PAFAH2: variants seen among roughly 807,000 people sequenced by gnomAD.
The protein encoded by PAFAH2 is platelet activating factor acetylhydrolase 2, also known as platelet-activating factor acetylhydrolase 2, cytoplasmic.
PAFAH2 carries 42 observed loss-of-function variants against 49.0 expected under a neutral mutation model. That is an observed-to-expected ratio of 0.86 (90% CI 0.67 to 1.11). PAFAH2 has a LOEUF of 1.11. Ranked by LOEUF, PAFAH2 falls within the 50% of genes least tolerant of loss-of-function variation. The probability of loss-of-function intolerance (pLI) is 0.00; values close to 1 mark genes in which losing one functional copy is unlikely to be tolerated. For synonymous variants in PAFAH2, 184 were observed against 181.3 expected, an observed-to-expected ratio of 1.01 and a Z score of -0.12; for missense variants, 503 against 501.8, an observed-to-expected ratio of 1.00 and a Z score of -0.02.
rs771047096 is a variant in PAFAH2, at chr1:25,989,464, C to T, written c.228G>A (p.Leu76=). Reference sequence around the variant, plus strand: ...AGCCCTTACCCACCGCCAGGTTGAACAGCAAGCCCCCGCAGCGCTTATTAA... The same window carrying T: ...AGCCCTTACCCACCGCCAGGTTGAATAGCAAGCCCCCGCAGCGCTTATTAA... ...LQFNKRCGGL[L]FNLAVGSCRL... The change falls in exon 3 of 11, where the codon CTG becomes CTA. Residue 76 remains leucine, a synonymous_variant. Coordinates refer to ENST00000374282, the MANE Select transcript of PAFAH2 (RefSeq NM_000437.4). 1.5e-5 allele frequency: 24 copies of T among 1,599,594 alleles called. No homozygotes were observed. Among genetic ancestry groups the T allele is most frequent in the Non-Finnish European group, 2.0e-5 (23 of 1,172,886 alleles).
Position 25,976,623 on chromosome 1 carries a change from T to A in PAFAH2, c.758+59A>T, listed in dbSNP as rs981203947. Reference sequence around the variant, plus strand: ...AATATAGTACTTGTGTAACAAATACTTTCTAAATGAATAAACGGTGTATGG... The same window carrying A: ...AATATAGTACTTGTGTAACAAATACATTCTAAATGAATAAACGGTGTATGG... On this transcript the variant is annotated intron_variant, in intron 8 of 10. Coordinates refer to ENST00000374282, the MANE Select transcript of PAFAH2 (RefSeq NM_000437.4). 23 of 1,256,728 alleles carry A rather than the reference T, an allele frequency of 1.8e-5. No individual in the cohort carries two copies. In the East Asian group the frequency reaches 5.3e-4, roughly 29 times the overall value. The allele number at this position is 1,256,728 out of a possible 1,614,324, so 77.8% of individuals were successfully genotyped here. A position where few individuals can be genotyped will look rare whatever the true frequency, so the allele number is the denominator to read the frequency against.
intron 6 of PAFAH2, 48 bp downstream of exon 6, chr1:25,983,898 G>A (rs2049735001): frequency 1.3e-6 from 2 of 1,598,858 alleles, no homozygotes; most frequent in East Asian, 2.2e-5. Context: ...ATATAGTAGG[G>A]AGAGAACAGG....
intron 10 of PAFAH2, among the ~76,000 whole-genome samples, chr1:25,967,214 T>A (rs2049440240): frequency 6.6e-6 from 1 of 151,946 alleles, no homozygotes; most frequent in Non-Finnish European, 1.5e-5. Flanking sequence ...TAGGATTGTT[T>A]GAGGGACTGG....
At chr1:25,989,722 G>A in intron 2 of PAFAH2, 121 bp from the exon 3 acceptor site, 1 of 673,648 alleles carries the variant, frequency 1.5e-6, no homozygotes, top group Non-Finnish European at 2.2e-6. Context: ...GGAAACTGAA[G>A]TTTCAATTAG....
At position 25,974,364 on chromosome 1, in the gene PAFAH2, A is replaced by G. The variant is rs1572347325; in HGVS notation, c.929+116T>C. 8.3e-6 allele frequency: 6 copies of G among 722,586 alleles called. No homozygotes were observed. The East Asian group carries it at 1.8e-4, about 22-fold the overall frequency. 44.8% of individuals were successfully genotyped at this position (722,586 alleles called of 1,614,324 possible). ...AGAATTTAGACTTTGCAATTCAGGA[A>G]GTATTCAGGTATCCTACTAATGGGT... On this transcript the variant is annotated intron_variant, in intron 9 of 10. Transcript: ENST00000374282.
At chr1:25,977,806 A>C (rs756802742) in intron 7 of PAFAH2, among the ~76,000 whole-genome samples, 4 of 152,110 alleles carry the variant, frequency 2.6e-5, no homozygotes, top group Non-Finnish European at 5.9e-5. Context: ...GGTCCATGAC[A>C]CATGGACTGA....
At chr1:25,985,139 G>A (rs1225514176) in intron 4 of PAFAH2, among the ~76,000 whole-genome samples, 3 of 152,138 alleles carry the variant, frequency 2.0e-5, no homozygotes, top group African/African-American at 4.8e-5. Context: ...TTACAGGCAT[G>A]AGCCACCGCA....
chr1:25,971,966 G>T (rs922104458), intron 10 of PAFAH2, among the ~76,000 whole-genome samples: 1 of 152,196 alleles, frequency 6.6e-6, no homozygotes, highest in African/African-American at 2.4e-5. Flanking sequence ...GTGGAGTAGA[G>T]AGAGGTGAAT....
intron 10 of PAFAH2, among the ~76,000 whole-genome samples, chr1:25,962,681 T>C (rs936087058): frequency 2.6e-5 from 4 of 151,766 alleles, no homozygotes; most frequent in Non-Finnish European, 5.9e-5. Flanking sequence ...AGAAATTAGC[T>C]AGGTATGGTG....
At chr1:25,979,382 C>T (rs1425825403) in intron 7 of PAFAH2, among the ~76,000 whole-genome samples, 5 of 149,296 alleles carry the variant, frequency 3.3e-5, no homozygotes, top group African/African-American at 1.2e-4. Flanking sequence ...GTGGCACAAT[C>T]TTGGCTCACT....
At chr1:25,988,197 A>C (rs1428512485) in intron 4 of PAFAH2, 34 bp downstream of exon 4, 2 of 1,369,268 alleles carry the variant, frequency 1.5e-6, no homozygotes, top group African/African-American at 3.0e-5. Flanking sequence ...CCAGGCAAGG[A>C]GTATGGCAAG....
At chr1:25,967,329 TTTTG>T (rs1004903040) in intron 10 of PAFAH2, among the ~76,000 whole-genome samples, 23 of 152,170 alleles carry the variant, frequency 1.5e-4, no homozygotes, top group African/African-American at 5.5e-4. Flanking sequence ...TTGAAATTGG[TTTTG>T]TTTGTTACTT....
Position 25,989,499 on chromosome 1 carries a change from A to C in PAFAH2, c.193T>G (p.Tyr65Asp). 1 of 1,611,924 alleles carries C rather than the reference A, an allele frequency of 6.2e-7. No homozygotes were observed. Among genetic ancestry groups the C allele is most frequent in the Non-Finnish European group, 8.5e-7 (1 of 1,178,796 alleles). The change falls in exon 3 of 11, where the codon TAC becomes GAC. Residue 65 changes from tyrosine (Y) to aspartate (D), a missense_variant. Physicochemically the swap from Tyr to Asp is radical, Grantham distance 160 (BLOSUM62 -3). Transcript: ENST00000374282. ...RYEYCTGLAE[Y>D]LQFNKRCGGL... ...CCGCAGCGCTTATTAAACTGCAGGTACTCGGCCAGGCCAGTGCAGTACTCA... is the reference window on the plus strand; with the variant it reads ...CCGCAGCGCTTATTAAACTGCAGGTCCTCGGCCAGGCCAGTGCAGTACTCA...
intron 7 of PAFAH2, among the ~76,000 whole-genome samples, chr1:25,980,181 A>G (rs1315883307): frequency 6.6e-6 from 1 of 152,194 alleles, no homozygotes; most frequent in Non-Finnish European, 1.5e-5. Context: ...TGACTCTACC[A>G]CTTACTTAGC....
At chr1:25,984,192 T>C in intron 5 of PAFAH2, 105 bp from the exon 6 acceptor site, 1 of 1,334,746 alleles carries the variant, frequency 7.5e-7, no homozygotes, top group Admixed American at 1.8e-5. Flanking sequence ...GATCACCCTT[T>C]GGCTAGTAGG....
chr1:25,969,779 C>A (rs957000677), intron 10 of PAFAH2, among the ~76,000 whole-genome samples: 2 of 152,148 alleles, frequency 1.3e-5, no homozygotes, highest in African/African-American at 2.4e-5. Flanking sequence ...GGAGCCCAAT[C>A]GTGCCATGGT....
At chr1:25,987,590 G>A (rs2049801803) in intron 4 of PAFAH2, among the ~76,000 whole-genome samples, 1 of 152,008 alleles carries the variant, frequency 6.6e-6, no homozygotes, top group Admixed American at 6.6e-5. Context: ...TTAAATAAAT[G>A]ACTCTTGGTG....
intron 1 of PAFAH2, among the ~76,000 whole-genome samples, chr1:25,992,438 C>G (rs906852689): frequency 6.6e-6 from 1 of 152,220 alleles, no homozygotes; most frequent in East Asian, 1.9e-4. Context: ...AACATTCCTA[C>G]GGCTCAGCTG....
intron 7 of PAFAH2, among the ~76,000 whole-genome samples, chr1:25,978,367 C>T (rs921865576): frequency 6.6e-6 from 1 of 152,134 alleles, no homozygotes; most frequent in African/African-American, 2.4e-5. Flanking sequence ...ATTCATAAGT[C>T]AACATGAATA....
Sources: gnomAD v4.1 joint callset for allele counts (sites outside exome capture counted in the v4.1 genomes callset) on GRCh38, gnomAD v4.1.1 for gene constraint, MANE v1.5 for transcripts, NCBI Gene and HGNC (gene_info 2026-07-23, HGNC 2026-07-21) for gene names.